USH2A: variants seen among roughly 807,000 people sequenced by gnomAD.
USH2A encodes the protein usherin.
Under a neutral mutation model 538.9 loss-of-function variants are expected in USH2A, and 443 were observed. That is an observed-to-expected ratio of 0.82 (90% confidence interval 0.76 to 0.89). USH2A has a LOEUF of 0.89. Among genes scored for constraint, USH2A ranks in the 40% least tolerant of loss-of-function variants. The pLI is 0.00. For missense variants in USH2A, 6,633 were observed against 6,324.8 expected, an observed-to-expected ratio of 1.05 and a Z score of -1.65; for synonymous variants, 2,413 against 2,273.5, an observed-to-expected ratio of 1.06 and a Z score of -1.75.
chr1:215,756,617 C>T (rs1327762651), intron 58 of USH2A, among the ~76,000 whole-genome samples: 2 of 152,000 alleles, frequency 1.3e-5, no homozygotes, highest in Admixed American at 1.3e-4. Context: ...AATAAAAATG[C>T]CAAGGAGAAA....
chr1:215,724,454 C>T (rs899194334), intron 61 of USH2A, among the ~76,000 whole-genome samples: 2 of 97,142 alleles, frequency 2.1e-5, no homozygotes, highest in African/African-American at 4.1e-5. Flanking sequence ...ACTGGAGACT[C>T]GGAAGGGTGG....
At position 216,074,324 on chromosome 1, in the gene USH2A, T is replaced by TTC. The variant is rs35866358; in HGVS notation, c.5573-1026_5573-1025dup. On this transcript the variant is annotated intron_variant, in intron 27 of 71. Coordinates refer to ENST00000307340, the MANE Select transcript of USH2A (RefSeq NM_206933.4). ...GTTTGAGATTGCTGTAGCGTGCATG[T>TTC]TCTCTCTCTCTCTCTCTCTCTCTCT... is the stretch of plus-strand genomic sequence containing the variant. Among the ~76,000 whole-genome samples the TTC allele has an allele frequency of 0.55, 82,329 of 148,964 alleles. 22,696 individuals are homozygous for TTC. The highest frequency in any genetic ancestry group is 0.79 in the East Asian group (3,942 of 4,984).
At chr1:216,392,581 C>T (rs981247807) in intron 3 of USH2A, among the ~76,000 whole-genome samples, 9 of 150,624 alleles carry the variant, frequency 6.0e-5, no homozygotes, top group Non-Finnish European at 1.3e-4. Context: ...CCATTGTCTT[C>T]TCTCAGGGAA....
rs1656485074 is a variant in USH2A, at chr1:215,636,324, A to C, written c.15053-1621T>G. ...GATGGTGACTAAAACTAAACTTTGAACTCCGTAAGAGGAGGGATATTACTT... is the reference window on the plus strand; with the variant it reads ...GATGGTGACTAAAACTAAACTTTGACCTCCGTAAGAGGAGGGATATTACTT... On this transcript the variant is annotated intron_variant, in intron 69 of 71. Coordinates refer to ENST00000307340, the MANE Select transcript of USH2A (RefSeq NM_206933.4). Among the ~76,000 whole-genome samples the C allele has an allele frequency of 2.0e-5, 3 of 152,112 alleles. No individual in the cohort carries two copies. In the Middle Eastern group the frequency reaches 0.01, roughly 517 times the overall value.
Position 215,883,786 on chromosome 1 carries a change from A to G in USH2A, c.8223+4640T>C, listed in dbSNP as rs139079528. Among the ~76,000 whole-genome samples, 1,017 of 152,234 alleles carry G rather than the reference A, an allele frequency of 6.7e-3. 9 individuals carry two copies. Among genetic ancestry groups the G allele is most frequent in the African/African-American group, 0.023 (966 of 41,548 alleles). On this transcript the variant is annotated intron_variant, in intron 41 of 71. Coordinates refer to ENST00000307340, the MANE Select transcript of USH2A (RefSeq NM_206933.4). ...TTCATGCCAATACCATATTATTATA[A>G]CTCAATGGCTTTAAAGTAAGTTTAC...
At chr1:216,060,388 C>T (rs1265082002) in intron 30 of USH2A, among the ~76,000 whole-genome samples, 1 of 152,070 alleles carries the variant, frequency 6.6e-6, no homozygotes, top group Admixed American at 6.6e-5. Flanking sequence ...GTATGAAACC[C>T]ACTTCATTCA....
intron 32 of USH2A, among the ~76,000 whole-genome samples, chr1:216,037,799 A>G (rs753945486): frequency 6.1e-5 from 8 of 130,224 alleles, no homozygotes; most frequent in Non-Finnish European, 1.2e-4. Context: ...TAAGTCTAGT[A>G]CCCATTAGTT....
chr1:216,382,214 G>A (rs914647891), intron 3 of USH2A, among the ~76,000 whole-genome samples: 1 of 152,138 alleles, frequency 6.6e-6, no homozygotes, highest in Non-Finnish European at 1.5e-5. Context: ...AAAGCACATT[G>A]AGTAAATTGC....
chr1:215,820,746 A>G (rs1170254175), intron 47 of USH2A, among the ~76,000 whole-genome samples: 1 of 151,602 alleles, frequency 6.6e-6, no homozygotes, highest in Non-Finnish European at 1.5e-5. Flanking sequence ...CCCTCTCCCC[A>G]TGACCCTCTC....
At chr1:216,107,479 CT>C in intron 21 of USH2A, among the ~76,000 whole-genome samples, 1 of 151,708 alleles carries the variant, frequency 6.6e-6, no homozygotes, top group East Asian at 1.9e-4. Context: ...TTTTTCCATC[CT>C]TTTACTTTTA....
At chr1:216,073,844 A>G (rs2031656741) in intron 27 of USH2A, among the ~76,000 whole-genome samples, 1 of 152,260 alleles carries the variant, frequency 6.6e-6, no homozygotes, top group Non-Finnish European at 1.5e-5. Context: ...CATGAATGGC[A>G]TAATGATCAC....
intron 10 of USH2A, among the ~76,000 whole-genome samples, chr1:216,291,653 A>G (rs568147632): frequency 9.8e-5 from 15 of 152,336 alleles, no homozygotes; most frequent in African/African-American, 3.6e-4. Context: ...GTATTTTTCA[A>G]TGACTAGTCA....
chr1:215,625,827 C>T lies in USH2A; in HGVS notation c.15563G>A (p.Ser5188Asn), dbSNP rs779531682. The T allele has an allele frequency of 4.3e-6, 7 of 1,614,078 alleles. No individual in the cohort carries two copies. The highest frequency in any genetic ancestry group is 5.9e-6 in the Non-Finnish European group (7 of 1,179,978). ...TGTGGTGCGTTCCTTAGTCACTGAG[C>T]TGAAATCCTTGATGGCGTTCATCAG... ...EDLMNAIKDF[S>N]SVTKERTTFT... is the part of the protein sequence containing the mutation. Residue 5188 changes from serine (S) to asparagine (N), a missense_variant, in exon 72 of 72, where the codon AGC (serine) becomes AAC (asparagine). Physicochemically the swap from Ser to Asn is conservative, Grantham distance 46. Transcript: ENST00000307340.
At chr1:216,330,673 A>G (rs2037842667) in intron 4 of USH2A, among the ~76,000 whole-genome samples, 1 of 152,006 alleles carries the variant, frequency 6.6e-6, no homozygotes, top group Non-Finnish European at 1.5e-5. Flanking sequence ...AGCCTACTGT[A>G]AGAAATTTGA....
chr1:215,979,837 C>A (rs1023797254), intron 35 of USH2A, among the ~76,000 whole-genome samples: 4 of 152,144 alleles, frequency 2.6e-5, no homozygotes, highest in Admixed American at 2.6e-4. Flanking sequence ...TAAAAGCCTA[C>A]TTCCAAAGTA....
intron 3 of USH2A, among the ~76,000 whole-genome samples, chr1:216,402,054 T>C (rs1024193273): frequency 6.6e-6 from 1 of 152,156 alleles, no homozygotes; most frequent in African/African-American, 2.4e-5. Context: ...AAGATTTATA[T>C]GTGTATGCAT....
At chr1:215,654,275 CTCA>C (rs1657173398) in intron 64 of USH2A, among the ~76,000 whole-genome samples, 1 of 152,078 alleles carries the variant, frequency 6.6e-6, no homozygotes, top group Non-Finnish European at 1.5e-5. Flanking sequence ...CACCCATGAA[CTCA>C]TCATTTACAT....
intron 32 of USH2A, among the ~76,000 whole-genome samples, chr1:216,012,821 C>T (rs998982804): frequency 4.6e-5 from 7 of 151,914 alleles, no homozygotes; most frequent in Admixed American, 6.6e-5. Flanking sequence ...CCTGTATAGA[C>T]GCTCCTTTTT....
intron 36 of USH2A, among the ~76,000 whole-genome samples, chr1:215,966,232 G>A (rs968189475): frequency 2.0e-5 from 3 of 152,094 alleles, no homozygotes; most frequent in African/African-American, 7.2e-5. Context: ...GATTTCAATA[G>A]ATAAATAAGT....
Sources: allele counts gnomAD v4.1 joint callset (sites outside exome capture counted in the v4.1 genomes callset), GRCh38; gene constraint gnomAD v4.1.1; transcripts MANE v1.5; gene names NCBI Gene and HGNC (gene_info 2026-07-23, HGNC 2026-07-21).